Variants in TJP2 observed in about 807,000 individuals in gnomAD.
TJP2 encodes the protein Friedreich ataxia region gene X104 (tight junction protein ZO-2).
TJP2 carries 91 observed loss-of-function variants against 133.1 expected under a neutral mutation model. That is an observed-to-expected ratio of 0.68 (90% CI 0.58 to 0.81). TJP2 has a LOEUF of 0.81. Ranked by LOEUF, TJP2 falls within the 40% of genes least tolerant of loss-of-function variation. TJP2 has a pLI of 0.00. For synonymous variants in TJP2, 592 were observed against 583.4 expected, an observed-to-expected ratio of 1.01 and a Z score of -0.21; for missense variants, 1,541 against 1,565.6, an observed-to-expected ratio of 0.98 and a Z score of 0.26.
At chr9:69,203,227 T>C (rs1285153875) in intron 1 of TJP2, among the ~76,000 whole-genome samples, 1 of 152,160 alleles carries the variant, frequency 6.6e-6, no homozygotes, top group African/African-American at 2.4e-5. Flanking sequence ...GTACAGAGCC[T>C]GCACATGTCT....
At chr9:69,161,908 G>A (rs989054869) in intron 2 of TJP2, among the ~76,000 whole-genome samples, 10 of 149,856 alleles carry the variant, frequency 6.7e-5, no homozygotes, top group African/African-American at 1.9e-4. Flanking sequence ...ATTAGCCGGC[G>A]TGGTGGTGCA....
At chr9:69,250,254 C>T (rs1284390857) in intron 20 of TJP2, among the ~76,000 whole-genome samples, 1 of 152,112 alleles carries the variant, frequency 6.6e-6, no homozygotes, top group Non-Finnish European at 1.5e-5. Context: ...GAGGTGTGCA[C>T]CACTATATTC....
At chr9:69,209,972 A>G (rs1827743020) in intron 1 of TJP2, among the ~76,000 whole-genome samples, 1 of 151,952 alleles carries the variant, frequency 6.6e-6, no homozygotes, top group African/African-American at 2.4e-5. Context: ...AGAGCCACGA[A>G]TTTGATACAA....
intron 1 of TJP2, among the ~76,000 whole-genome samples, chr9:69,175,342 G>C (rs557916366): frequency 2.0e-5 from 3 of 152,206 alleles, no homozygotes; most frequent in African/African-American, 7.2e-5. Flanking sequence ...GAATCCCAGC[G>C]GGGAGGAGGG....
At chr9:69,138,632 G>A (rs1027442943) in intron 1 of TJP2, among the ~76,000 whole-genome samples, 17 of 151,976 alleles carry the variant, frequency 1.1e-4, no homozygotes, top group South Asian at 2.1e-4. Flanking sequence ...CCAGGCAGCC[G>A]GGAGGCTGGG....
intron 1 of TJP2, among the ~76,000 whole-genome samples, chr9:69,132,631 C>T (rs890916873): frequency 3.9e-5 from 6 of 152,254 alleles, no homozygotes; most frequent in East Asian, 1.9e-4. Flanking sequence ...TCTTAACAGG[C>T]GCTTATCAAT....
intron 2 of TJP2, among the ~76,000 whole-genome samples, chr9:69,152,940 C>T (rs1355383509): frequency 1.3e-5 from 2 of 149,052 alleles, no homozygotes; most frequent in East Asian, 2.0e-4. Flanking sequence ...CTTAAAGGTC[C>T]CAGCCAGGCA....
upstream of TJP2, chr9:69,174,272 G>C (rs2132934176): frequency 6.5e-7 from 1 of 1,532,682 alleles, no homozygotes; most frequent in Non-Finnish European, 8.8e-7. Context: ...GTTGGGCTGC[G>C]GGTCAGAGCA....
Position 69,240,072 on chromosome 9 carries a change from A to G in TJP2, c.2491A>G (p.Thr831Ala), listed in dbSNP as rs756797073. ...AACCATGAGACAAAGGTTAAATCCAACGTCCAACAAAAGTTCTCGAAAGTT... is the reference window on the plus strand; with the variant it reads ...AACCATGAGACAAAGGTTAAATCCAGCGTCCAACAAAAGTTCTCGAAAGTT... ...VKTMRQRLNP[T>A]SNKSSRKLFD... Residue 831 changes from threonine (T) to alanine (A), a missense_variant, in exon 17 of 23, where the codon ACG becomes GCG. Thr to Ala is a moderately conservative substitution (Grantham distance 58, BLOSUM62 0). Transcript: ENST00000377245. The G allele has an allele frequency of 4.3e-6, 7 of 1,614,172 alleles. No individual in the cohort carries two copies. In the Admixed American group the frequency reaches 8.3e-5, roughly 19 times the overall value.
intron 12 of TJP2, among the ~76,000 whole-genome samples, chr9:69,235,336 T>TTA (rs1188013518): frequency 5.7e-5 from 8 of 140,690 alleles, no homozygotes; most frequent in Non-Finnish European, 1.1e-4. Context: ...TATTATTATT[T>TTA]TTTTGAGACG....
At chr9:69,195,469 G>T (rs1381151871) in intron 1 of TJP2, among the ~76,000 whole-genome samples, 2 of 150,750 alleles carry the variant, frequency 1.3e-5, no homozygotes, top group African/African-American at 4.9e-5. Context: ...ATGCAAATTT[G>T]CATTCAAATT....
At chr9:69,178,836 G>A (rs192554698) in intron 1 of TJP2, among the ~76,000 whole-genome samples, 325 of 152,276 alleles carry the variant, frequency 2.1e-3, no homozygotes, top group Admixed American at 5.3e-3. Context: ...ACTGATGAAG[G>A]ACATCACTGT....
intron 1 of TJP2, among the ~76,000 whole-genome samples, chr9:69,130,015 C>CAAAA (rs11355311): frequency 1.1e-5 from 1 of 94,170 alleles, no homozygotes; most frequent in African/African-American, 4.1e-5. Context: ...AACTCTGCCT[C>CAAAA]AAAAAAAAAA....
Position 69,174,286 on chromosome 9 carries a change from T to C in TJP2, c.-87T>C, listed in dbSNP as rs916093137. On this transcript the variant is annotated 5_prime_UTR_variant, in exon 1 of 23. Coordinates refer to ENST00000377245, the MANE Select transcript of TJP2 (RefSeq NM_004817.4). ...GGTTGGGCTGCGGGTCAGAGCACTG[T>C]CCGGTGGTGCCCAGGAGGAGTAGGA... 1.0e-5 allele frequency: 16 copies of C among 1,548,726 alleles called. No individual in the cohort carries two copies. The highest frequency in any genetic ancestry group is 2.0e-5 in the Admixed American group (1 of 50,904).
intron 1 of TJP2, among the ~76,000 whole-genome samples, chr9:69,174,635 G>A (rs1056032839): frequency 1.1e-4 from 17 of 152,212 alleles, no homozygotes; most frequent in Non-Finnish European, 1.5e-5. Flanking sequence ...CGGGGCTCCT[G>A]GAACCTTTAC....
upstream of TJP2, among the ~76,000 whole-genome samples, chr9:69,171,789 A>ATTTTTTTTTTTT (rs34717893): frequency 1.2e-5 from 1 of 86,758 alleles, no homozygotes; most frequent in Non-Finnish European, 2.1e-5. Flanking sequence ...GAGTAGAAGA[A>ATTTTTTTTTTTT]TTTTTTTTTT....
chr9:69,155,445 C>T (rs1039051163), intron 2 of TJP2, among the ~76,000 whole-genome samples: 3 of 152,220 alleles, frequency 2.0e-5, no homozygotes, highest in Admixed American at 1.3e-4. Context: ...ACATCGGTAT[C>T]GCCTGGAGGG....
intron 1 of TJP2, chr9:69,145,778 A>G (rs940266655): frequency 3.2e-6 from 4 of 1,231,988 alleles, no homozygotes; most frequent in East Asian, 3.2e-5. Context: ...GAGAACTTCT[A>G]CCTGAGAGCA....
At chr9:69,139,474 T>C (rs904884937) in intron 1 of TJP2, among the ~76,000 whole-genome samples, 7 of 152,060 alleles carry the variant, frequency 4.6e-5, no homozygotes, top group African/African-American at 7.2e-5. Context: ...TGTGAAGACA[T>C]AGAGAAAAGA....
Sources: allele counts gnomAD v4.1 joint callset (sites outside exome capture counted in the v4.1 genomes callset), GRCh38; gene constraint gnomAD v4.1.1; transcripts MANE v1.5; gene names NCBI Gene and HGNC (gene_info 2026-07-23, HGNC 2026-07-21).